The following RAB31 variants were observed in gnomAD, a reference collection of about 807,000 sequenced individuals.
RAB31 encodes the protein ras-related protein Rab-31.
In RAB31, 21 loss-of-function variants were observed where a neutral mutation model predicts 25.6. That is an observed-to-expected ratio of 0.82 (90% CI 0.58 to 1.18). RAB31 has a LOEUF of 1.18. Ranked by LOEUF, RAB31 falls within the 50% of genes most tolerant of loss-of-function variation. The probability of loss-of-function intolerance (pLI) is 0.00; values close to 1 mark genes in which losing one functional copy is unlikely to be tolerated. For synonymous variants in RAB31, 87 were observed against 84.0 expected (o/e 1.04, Z -0.20); for missense variants, 196 against 250.1 (o/e 0.78, Z 1.46).
chr18:9,708,516 G>A lies in RAB31; in HGVS notation c.39+72G>A. On this transcript the variant is annotated intron_variant, in intron 1 of 6. Coordinates refer to ENST00000578921, the MANE Select transcript of RAB31 (RefSeq NM_006868.4). This position sits in a 1 kb window ranked among gnomAD's most constrained non-coding sequence, Gnocchi z 6.4. The stretch of plus-strand genomic sequence containing the variant: ...GCGCCCCTTCGCTCCCCTATTCCCT[G>A]CGCGCTCAGTCCCCGTGATCCCCTC... 1 of 1,344,678 alleles carries A rather than the reference G, an allele frequency of 7.4e-7. No individual in the cohort carries two copies. Among genetic ancestry groups the A allele is most frequent in the Admixed American group, 2.4e-5 (1 of 41,132 alleles). 83.3% of individuals were successfully genotyped at this position (1,344,678 alleles called of 1,614,324 possible). A position where few individuals can be genotyped will look rare whatever the true frequency, so the allele number is the denominator to read the frequency against.
intron 3 of RAB31, among the ~76,000 whole-genome samples, chr18:9,812,342 T>A (rs1042834343): frequency 1.3e-5 from 2 of 152,218 alleles, no homozygotes; most frequent in African/African-American, 4.8e-5. Context: ...CCAGTATATA[T>A]TCCTCTAAGT....
intron 1 of RAB31, among the ~76,000 whole-genome samples, chr18:9,763,095 G>C (rs1014277615): frequency 2.6e-5 from 4 of 152,238 alleles, no homozygotes; most frequent in Non-Finnish European, 5.9e-5. Context: ...ATTAGGAACA[G>C]TTTCTTTAGG....
At chr18:9,745,844 C>T (rs975999633) in intron 1 of RAB31, among the ~76,000 whole-genome samples, 2 of 152,314 alleles carry the variant, frequency 1.3e-5, no homozygotes, top group African/African-American at 2.4e-5. Flanking sequence ...GACTTGAAAG[C>T]GTTTCCTCAA....
intron 3 of RAB31, among the ~76,000 whole-genome samples, chr18:9,807,680 A>G (rs988742670): frequency 5.9e-5 from 9 of 152,202 alleles, no homozygotes; most frequent in African/African-American, 2.2e-4. Context: ...TCTTTTAAAA[A>G]AACACTAATC....
Position 9,860,309 on chromosome 18 carries a change from C to G in RAB31, c.*984C>G, listed in dbSNP as rs975647383. The G allele has an allele frequency of 6.6e-6, 1 of 152,084 alleles. No homozygotes were observed. The allele number at this position is 152,084 out of a possible 1,614,324, so 9.4% of individuals were successfully genotyped here. On this transcript the variant is annotated 3_prime_UTR_variant, in exon 7 of 7. Coordinates refer to ENST00000578921, the MANE Select transcript of RAB31 (RefSeq NM_006868.4). The stretch of plus-strand genomic sequence containing the variant: ...TAATAATAGGTTACAGGAAAGCCAG[C>G]CAGAGGAAGTGTCAGCACTTTAAAA...
At chr18:9,764,801 C>G (rs1288671944) in intron 1 of RAB31, among the ~76,000 whole-genome samples, 1 of 152,040 alleles carries the variant, frequency 6.6e-6, no homozygotes, top group African/African-American at 2.4e-5. Context: ...TCATTAATGT[C>G]CACGGGGCAT....
chr18:9,715,069 G>T (rs139309431), intron 1 of RAB31, among the ~76,000 whole-genome samples: 1 of 152,146 alleles, frequency 6.6e-6, no homozygotes, highest in African/African-American at 2.4e-5. Context: ...GGATGGAGAG[G>T]CTTCTGGTTG....
chr18:9,709,721 CA>C (rs2068006779), intron 1 of RAB31, among the ~76,000 whole-genome samples: 1 of 152,212 alleles, frequency 6.6e-6, no homozygotes, highest in African/African-American at 2.4e-5. Context: ...CACAGATCCG[CA>C]CAGATCCCCA....
intron 2 of RAB31, among the ~76,000 whole-genome samples, chr18:9,790,244 CA>C (rs2068453321): frequency 6.6e-6 from 1 of 151,952 alleles, no homozygotes; most frequent in South Asian, 2.1e-4. Flanking sequence ...GTAGGGGGTA[CA>C]GGGTCTCGCT....
rs1159506228 is a variant in RAB31, at chr18:9,809,892, G to A, written c.202-4128G>A. Among the ~76,000 whole-genome samples, 6 of 152,276 alleles carry A rather than the reference G, an allele frequency of 3.9e-5. No homozygotes were observed. In the East Asian group the frequency reaches 5.8e-4, roughly 15 times the overall value. The stretch of plus-strand genomic sequence containing the variant: ...GCTGCTTTCCAGAAAGGTCATGCTC[G>A]TTTATTTTCTACCAGCTGCGGGCAG... On this transcript the variant is annotated intron_variant, in intron 3 of 6. Coordinates refer to ENST00000578921, the MANE Select transcript of RAB31 (RefSeq NM_006868.4).
intron 6 of RAB31, among the ~76,000 whole-genome samples, chr18:9,855,117 G>A (rs625014): frequency 0.47 from 72,138 of 152,050 alleles, 18,568 homozygotes; most frequent in South Asian, 0.67. Context: ...GTGTGTAAAT[G>A]CATGACAGCC....
intron 5 of RAB31, among the ~76,000 whole-genome samples, chr18:9,839,912 C>T (rs948799607): frequency 1.3e-5 from 2 of 152,144 alleles, no homozygotes; most frequent in Non-Finnish European, 2.9e-5. Flanking sequence ...GCCGTTCCTG[C>T]GGTCTCCAGC....
chr18:9,750,577 G>A (rs1043127216), intron 1 of RAB31, among the ~76,000 whole-genome samples: 6 of 152,112 alleles, frequency 3.9e-5, no homozygotes, highest in Admixed American at 2.6e-4. Flanking sequence ...ACGTGTGGTG[G>A]GCACTGTGGA....
chr18:9,767,199 T>C (rs1403072794), intron 1 of RAB31, among the ~76,000 whole-genome samples: 1 of 152,244 alleles, frequency 6.6e-6, no homozygotes, highest in African/African-American at 2.4e-5. Context: ...ATTCTCTCTC[T>C]TTCTGAACAT....
rs57545209 is a variant in RAB31, at chr18:9,763,600, T to TTATATA, written c.40-11660_40-11655dup. 7.4e-3 allele frequency among the ~76,000 whole-genome samples: 1,045 copies of TTATATA among 141,670 alleles called. 6 individuals carry two copies. Among genetic ancestry groups the TTATATA allele is most frequent in the African/African-American group, 9.6e-3 (372 of 38,838 alleles). 92.9% of individuals were successfully genotyped at this position (141,670 alleles called of 152,430 possible). A position where few individuals can be genotyped will look rare whatever the true frequency, so the allele number is the denominator to read the frequency against. Reference sequence around the variant, plus strand: ...GAGAGATAGAAAATAAAGAAAAAAATTATATATATATATATATATATATGG... The same window carrying TTATATA: ...GAGAGATAGAAAATAAAGAAAAAAATTATATATATATATATATATATATATATATGG... On this transcript the variant is annotated intron_variant, in intron 1 of 6. Coordinates refer to ENST00000578921, the MANE Select transcript of RAB31 (RefSeq NM_006868.4).
chr18:9,738,029 G>A (rs990968773), intron 1 of RAB31, among the ~76,000 whole-genome samples: 4 of 152,150 alleles, frequency 2.6e-5, no homozygotes, highest in Non-Finnish European at 5.9e-5. Flanking sequence ...GCAACCCCAC[G>A]GGCCTTTAAT....
chr18:9,838,132 C>T (rs745849101), intron 5 of RAB31, among the ~76,000 whole-genome samples: 4 of 152,194 alleles, frequency 2.6e-5, no homozygotes, highest in South Asian at 2.1e-4. Flanking sequence ...TTTTCCCTTA[C>T]GTAAACACTG....
At chr18:9,738,706 G>A (rs1156497955) in intron 1 of RAB31, among the ~76,000 whole-genome samples, 1 of 152,158 alleles carries the variant, frequency 6.6e-6, no homozygotes, top group South Asian at 2.1e-4. Context: ...GGTTCTGTGA[G>A]CCACTCTAGC....
At chr18:9,794,660 C>T (rs2068477786) in intron 3 of RAB31, among the ~76,000 whole-genome samples, 1 of 151,866 alleles carries the variant, frequency 6.6e-6, no homozygotes, top group Non-Finnish European at 1.5e-5. Context: ...ACTAAAAATA[C>T]AAAAATTAGT....
Sources: gnomAD v4.1 joint callset for allele counts (sites outside exome capture counted in the v4.1 genomes callset) on GRCh38, gnomAD v4.1.1 for gene constraint, Gnocchi (gnomAD v3.1) non-coding constraint, MANE v1.5 for transcripts, NCBI Gene and HGNC (gene_info 2026-07-23, HGNC 2026-07-21) for gene names.